Variants in CHST9 observed in about 807,000 individuals in gnomAD.
The protein encoded by CHST9 is GalNAc-4-sulfotransferase 2.
CHST9 carries 41 observed loss-of-function variants against 44.4 expected under a neutral mutation model. The observed-to-expected ratio is 0.92, with a 90% CI of 0.72 to 1.20. The LOEUF (loss-of-function observed/expected upper bound fraction) is 1.20, where lower values mean the gene tolerates loss of function less well. Among genes scored for constraint, CHST9 ranks in the 50% most tolerant of loss-of-function variants. CHST9 has a pLI of 0.00. For missense variants in CHST9, 504 were observed against 516.5 expected (o/e 0.98, Z 0.23); for synonymous variants, 171 against 178.4 (o/e 0.96, Z 0.33).
chr18:27,088,466 C>T (rs756533576), intron 2 of CHST9, among the ~76,000 whole-genome samples: 3 of 151,174 alleles, frequency 2.0e-5, no homozygotes, highest in Admixed American at 6.6e-5. Flanking sequence ...GCGATCTCGG[C>T]TCACTGCAAC....
chr18:26,979,585 CAT>C (rs145317192), intron 4 of CHST9, among the ~76,000 whole-genome samples: 2,407 of 152,224 alleles, frequency 0.016, 69 homozygotes, highest in African/African-American at 0.055. Flanking sequence ...ATTCTAATGA[CAT>C]GTTTCTGCCA....
chr18:27,048,069 C>T (rs144833417), intron 3 of CHST9, among the ~76,000 whole-genome samples: 116 of 152,182 alleles, frequency 7.6e-4, no homozygotes, highest in Middle Eastern at 3.4e-3. Flanking sequence ...TAACACTGTC[C>T]TGAAAAGCAT....
intron 1 of CHST9, among the ~76,000 whole-genome samples, chr18:27,168,343 G>C (rs2143950011): frequency 6.6e-6 from 1 of 152,168 alleles, no homozygotes; most frequent in South Asian, 2.1e-4. Context: ...CAAAGTGCTG[G>C]GATTACAAGC....
At chr18:27,017,353 A>C (rs971371189) in intron 4 of CHST9, among the ~76,000 whole-genome samples, 1 of 152,228 alleles carries the variant, frequency 6.6e-6, no homozygotes, top group African/African-American at 2.4e-5. Flanking sequence ...AACTAGAAAC[A>C]ATCCAAATGT....
At chr18:26,984,431 T>A (rs1051159263) in intron 4 of CHST9, among the ~76,000 whole-genome samples, 2 of 152,116 alleles carry the variant, frequency 1.3e-5, no homozygotes, top group African/African-American at 4.8e-5. Flanking sequence ...AAACATAGGG[T>A]AATATCTTCA....
intron 1 of CHST9, among the ~76,000 whole-genome samples, chr18:27,148,322 A>G (rs1416826260): frequency 6.6e-6 from 1 of 151,638 alleles, no homozygotes. Context: ...TTTGTTACAT[A>G]TGTACACATG....
chr18:27,047,684 T>C (rs1402871785), intron 3 of CHST9, among the ~76,000 whole-genome samples: 1 of 151,700 alleles, frequency 6.6e-6, no homozygotes, highest in Non-Finnish European at 1.5e-5. Context: ...TGGATGGGAG[T>C]GATTGGTAGC....
rs565746969 is a variant in CHST9, at chr18:26,959,796, G to A, written c.203-15430C>T. Among the ~76,000 whole-genome samples, 24 of 152,252 alleles carry A rather than the reference G, an allele frequency of 1.6e-4. No individual in the cohort carries two copies. In the South Asian group the frequency reaches 4.8e-3, roughly 30 times the overall value. On this transcript the variant is annotated intron_variant, in intron 4 of 5. Coordinates refer to ENST00000618847, the MANE Select transcript of CHST9 (RefSeq NM_031422.6). ...ATTTTTTGACATAATATTTGTTGAG[G>A]GAGTCCTTGAATAATTTTGAGTCAA... is the stretch of plus-strand genomic sequence containing the variant.
intron 5 of CHST9, among the ~76,000 whole-genome samples, chr18:26,919,415 A>C (rs1230466399): frequency 1.3e-5 from 2 of 152,134 alleles, no homozygotes; most frequent in Non-Finnish European, 2.9e-5. Context: ...ATAAAATTTG[A>C]CTGTGGTTTG....
intron 4 of CHST9, among the ~76,000 whole-genome samples, chr18:26,982,210 A>G (rs1168349458): frequency 5.3e-5 from 8 of 152,200 alleles, no homozygotes; most frequent in African/African-American, 1.9e-4. Context: ...CTCTTCATCC[A>G]CATGTAATTA....
intron 2 of CHST9, among the ~76,000 whole-genome samples, chr18:27,118,505 C>G (rs887912257): frequency 3.9e-5 from 6 of 152,212 alleles, no homozygotes; most frequent in Non-Finnish European, 8.8e-5. Context: ...AGTTCAACAT[C>G]AGGGATTTAG....
At chr18:27,110,406 G>A (rs1351362439) in intron 2 of CHST9, among the ~76,000 whole-genome samples, 2 of 152,036 alleles carry the variant, frequency 1.3e-5, no homozygotes, top group East Asian at 1.9e-4. Context: ...AACTCAAACT[G>A]GCTAAAACAA....
intron 4 of CHST9, among the ~76,000 whole-genome samples, chr18:26,988,624 A>G (rs557469745): frequency 3.3e-4 from 51 of 152,282 alleles, no homozygotes; most frequent in African/African-American, 1.1e-3. Context: ...CTCTCTTCCA[A>G]TAAAGAATAG....
chr18:27,017,298 A>T (rs1346081190), intron 4 of CHST9, among the ~76,000 whole-genome samples: 2 of 152,168 alleles, frequency 1.3e-5, no homozygotes, highest in African/African-American at 4.8e-5. Context: ...TCACAAACAG[A>T]TCTGTGCAAA....
intron 2 of CHST9, among the ~76,000 whole-genome samples, chr18:27,110,787 G>A (rs1328490883): frequency 6.6e-6 from 1 of 152,200 alleles, no homozygotes; most frequent in Admixed American, 6.5e-5. Flanking sequence ...GGACATTGTT[G>A]AGCTAGGGCA....
intron 2 of CHST9, among the ~76,000 whole-genome samples, chr18:27,117,621 T>C (rs149281672): frequency 6.6e-6 from 1 of 152,322 alleles, no homozygotes; most frequent in African/African-American, 2.4e-5. Flanking sequence ...TTCCAGAATG[T>C]CATATTGTTG....
rs115501851 is a variant in CHST9 at position 27,019,426 on chromosome 18, C to G, written c.202+4690G>C. On this transcript the variant is annotated intron_variant, in intron 4 of 5. Coordinates refer to ENST00000618847, the MANE Select transcript of CHST9 (RefSeq NM_031422.6). ...GCCTCAAGATATTCTTCATGAAATTCCAAGGAACATTTCTCAGTTCAATGA... is the reference window on the plus strand; with the variant it reads ...GCCTCAAGATATTCTTCATGAAATTGCAAGGAACATTTCTCAGTTCAATGA... 9.5e-3 allele frequency among the ~76,000 whole-genome samples: 1,441 copies of G among 152,130 alleles called. 22 individuals carry two copies. The highest frequency in any genetic ancestry group is 0.033 in the African/African-American group (1,378 of 41,522).
At chr18:27,033,323 A>G (rs2057359629) in intron 3 of CHST9, among the ~76,000 whole-genome samples, 1 of 152,046 alleles carries the variant, frequency 6.6e-6, no homozygotes. Context: ...CCAAATAATC[A>G]CCTGGATATA....
chr18:27,042,349 C>T (rs1481909843), intron 3 of CHST9, among the ~76,000 whole-genome samples: 1 of 152,018 alleles, frequency 6.6e-6, no homozygotes, highest in Non-Finnish European at 1.5e-5. Context: ...GATCCAGGGG[C>T]ACACTGGTCA....
Sources: gnomAD v4.1 joint callset for allele counts (sites outside exome capture counted in the v4.1 genomes callset) on GRCh38, gnomAD v4.1.1 for gene constraint, MANE v1.5 for transcripts, NCBI Gene and HGNC (gene_info 2026-07-23, HGNC 2026-07-21) for gene names.